The following GALNTL6 variants were observed in gnomAD, a reference collection of about 807,000 sequenced individuals.
GALNTL6 encodes the protein polypeptide N-acetylgalactosaminyltransferase-like 6.
Under a neutral mutation model 73.7 loss-of-function variants are expected in GALNTL6, and 46 were observed. That is an observed-to-expected ratio of 0.62 (90% CI 0.49 to 0.80). GALNTL6 has a LOEUF of 0.80. Ranked by LOEUF, GALNTL6 falls within the 30% of genes least tolerant of loss-of-function variation. The pLI is 0.00. For synonymous variants in GALNTL6, 259 were observed against 263.7 expected (o/e 0.98, Z 0.17); for missense variants, 604 against 755.0 (o/e 0.80, Z 2.34).
intron 3 of GALNTL6, among the ~76,000 whole-genome samples, chr4:172,282,031 G>A (rs1414856425): frequency 6.6e-6 from 1 of 151,762 alleles, no homozygotes; most frequent in East Asian, 1.9e-4. Flanking sequence ...AAAAGTACTG[G>A]CTACAAAGAA....
intron 3 of GALNTL6, among the ~76,000 whole-genome samples, chr4:172,251,869 C>T (rs1737892508): frequency 6.6e-6 from 1 of 152,062 alleles, no homozygotes; most frequent in Non-Finnish European, 1.5e-5. Flanking sequence ...CTAACCACAA[C>T]AGCCAAAAAG....
At chr4:172,843,554 G>T (rs1437539989) in intron 7 of GALNTL6, among the ~76,000 whole-genome samples, 1 of 152,110 alleles carries the variant, frequency 6.6e-6, no homozygotes, top group Non-Finnish European at 1.5e-5. Flanking sequence ...TGAAAGTCAG[G>T]TTCACCCATA....
intron 5 of GALNTL6, among the ~76,000 whole-genome samples, chr4:172,723,925 A>T (rs1735645884): frequency 6.6e-6 from 1 of 152,198 alleles, no homozygotes; most frequent in Non-Finnish European, 1.5e-5. Flanking sequence ...ATGATATATC[A>T]GTGAACACGA....
intron 3 of GALNTL6, among the ~76,000 whole-genome samples, chr4:172,303,520 G>T (rs1248925275): frequency 2.0e-5 from 3 of 152,042 alleles, no homozygotes; most frequent in Non-Finnish European, 2.9e-5. Context: ...TGTGACACTT[G>T]TTTTCTGCCT....
At chr4:171,928,890 A>G (rs78001176) in intron 2 of GALNTL6, among the ~76,000 whole-genome samples, 2,395 of 152,226 alleles carry the variant, frequency 0.016, 68 homozygotes, top group African/African-American at 0.055. Context: ...TCACAGAAAA[A>G]CGAAATCACC....
At chr4:172,943,547 G>A (rs1264767967) in intron 9 of GALNTL6, among the ~76,000 whole-genome samples, 2 of 152,178 alleles carry the variant, frequency 1.3e-5, no homozygotes, top group African/African-American at 4.8e-5. Flanking sequence ...CTGCTTAATA[G>A]TCTTTCATCA....
chr4:172,128,111 G>GA (rs541625421), intron 2 of GALNTL6, among the ~76,000 whole-genome samples: 5 of 148,926 alleles, frequency 3.4e-5, no homozygotes, highest in African/African-American at 4.9e-5. Context: ...CTCAAAAAAA[G>GA]AAAAAAAAAG....
chr4:171,873,362 T>C lies in GALNTL6; in HGVS notation c.138+58644T>C, dbSNP rs78518068. On this transcript the variant is annotated intron_variant, in intron 2 of 12. Coordinates refer to ENST00000506823, the MANE Select transcript of GALNTL6 (RefSeq NM_001034845.3). ...AAGTTCATTTATCTTTTCTACGCCATATGTACAAGTTACAGATTTTGTGAA... is the reference window on the plus strand; with the variant it reads ...AAGTTCATTTATCTTTTCTACGCCACATGTACAAGTTACAGATTTTGTGAA... 2.2e-3 allele frequency among the ~76,000 whole-genome samples: 333 copies of C among 152,350 alleles called. 1 individual carries two copies. The highest frequency in any genetic ancestry group is 7.8e-3 in the African/African-American group (323 of 41,592).
chr4:172,425,021 G>A (rs748094020), intron 5 of GALNTL6, among the ~76,000 whole-genome samples: 3 of 151,976 alleles, frequency 2.0e-5, no homozygotes, highest in Non-Finnish European at 4.4e-5. Flanking sequence ...ATTGCATCAA[G>A]GTTATTTTTC....
intron 5 of GALNTL6, among the ~76,000 whole-genome samples, chr4:172,519,283 T>C (rs759131308): frequency 1.3e-5 from 2 of 150,964 alleles, no homozygotes; most frequent in Non-Finnish European, 3.0e-5. Context: ...AATGGTCACT[T>C]TCCTTGCAGC....
chr4:172,294,760 C>T (rs572277165), intron 3 of GALNTL6, among the ~76,000 whole-genome samples: 20 of 152,160 alleles, frequency 1.3e-4, no homozygotes, highest in African/African-American at 3.6e-4. Context: ...AAAATGTTAA[C>T]GTGTAATATT....
chr4:172,563,414 TAA>T (rs1736448863), intron 5 of GALNTL6, among the ~76,000 whole-genome samples: 1 of 152,212 alleles, frequency 6.6e-6, no homozygotes, highest in Non-Finnish European at 1.5e-5. Context: ...ATGCAAGCAT[TAA>T]GAGACTTGAA....
chr4:172,089,613 A>C (rs1012884120), intron 2 of GALNTL6, among the ~76,000 whole-genome samples: 5 of 152,154 alleles, frequency 3.3e-5, no homozygotes, highest in Non-Finnish European at 5.9e-5. Flanking sequence ...AGAAAAAAAA[A>C]CTCAAAAGCA....
intron 2 of GALNTL6, among the ~76,000 whole-genome samples, chr4:171,986,584 C>T (rs908054242): frequency 2.6e-5 from 4 of 151,898 alleles, no homozygotes; most frequent in Admixed American, 2.0e-4. Flanking sequence ...AGGGCTGTTT[C>T]GAGCGGGATT....
intron 5 of GALNTL6, among the ~76,000 whole-genome samples, chr4:172,451,665 T>A (rs1732217771): frequency 6.6e-6 from 1 of 152,164 alleles, no homozygotes; most frequent in African/African-American, 2.4e-5. Flanking sequence ...TTATTATAAA[T>A]ATTATATGCC....
chr4:172,127,469 A>C (rs111420284), intron 2 of GALNTL6, among the ~76,000 whole-genome samples: 1,540 of 152,308 alleles, frequency 0.01, 26 homozygotes, highest in African/African-American at 0.035. Flanking sequence ...AGCACAGACC[A>C]CTTGGGACTC....
chr4:172,516,489 C>T lies in GALNTL6; in HGVS notation c.553+167800C>T, dbSNP rs149158960. ...ATCATTGTCCTCCAAACAAAATAAT[C>T]TTTTTCTTAGTTTTCTTATTTGGTT... On this transcript the variant is annotated intron_variant, in intron 5 of 12. Coordinates refer to ENST00000506823, the MANE Select transcript of GALNTL6 (RefSeq NM_001034845.3). Among the ~76,000 whole-genome samples the T allele has an allele frequency of 7.9e-5, 12 of 152,208 alleles. No individual in the cohort carries two copies. The East Asian group carries it at 1.4e-3, about 17-fold the overall frequency.
At chr4:172,572,851 C>T (rs1736817204) in intron 5 of GALNTL6, among the ~76,000 whole-genome samples, 1 of 152,092 alleles carries the variant, frequency 6.6e-6, no homozygotes. Context: ...GTACCTGTTG[C>T]TTTTTCCCTG....
At chr4:172,813,905 T>C (rs1741457071) in intron 7 of GALNTL6, among the ~76,000 whole-genome samples, 182 bp downstream of exon 7, 1 of 152,170 alleles carries the variant, frequency 6.6e-6, no homozygotes, top group Admixed American at 6.5e-5. Context: ...CTGTATCGAA[T>C]TCATGGAACA....
Sources: gnomAD v4.1 joint callset for allele counts (sites outside exome capture counted in the v4.1 genomes callset) on GRCh38, gnomAD v4.1.1 for gene constraint, MANE v1.5 for transcripts, NCBI Gene and HGNC (gene_info 2026-07-23, HGNC 2026-07-21) for gene names.